The following DEUP1 variants were observed in gnomAD, a reference collection of about 807,000 sequenced individuals.
The protein encoded by DEUP1 is coiled-coil domain containing 67.
DEUP1 carries 82 observed loss-of-function variants against 87.4 expected under a neutral mutation model. The ratio of observed to expected loss-of-function variants is 0.94; its 90% CI spans 0.78 to 1.13. DEUP1 has a LOEUF of 1.13. Ranked by LOEUF, DEUP1 falls within the 50% of genes most tolerant of loss-of-function variation. The pLI, the probability that DEUP1 is intolerant of heterozygous loss-of-function variation, is 0.00. For synonymous variants in DEUP1, 214 were observed against 222.7 expected, an observed-to-expected ratio of 0.96 and a Z score of 0.35; for missense variants, 663 against 681.5, an observed-to-expected ratio of 0.97 and a Z score of 0.30.
chr11:93,370,020 A>T, intron 5 of DEUP1, 53 bp from the exon 6 acceptor site: 1 of 884,568 alleles, frequency 1.1e-6, no homozygotes, highest in Non-Finnish European at 1.8e-6. Context: ...TATTTGCTGT[A>T]CTTTAAAATG....
intron 11 of DEUP1, 79 bp downstream of exon 11, chr11:93,396,404 G>T: frequency 1.2e-6 from 1 of 856,438 alleles, no homozygotes. Flanking sequence ...ATCATTTATT[G>T]AGCACTTGCT....
intron 13 of DEUP1, among the ~76,000 whole-genome samples, chr11:93,418,926 G>A (rs1015419869): frequency 1.1e-4 from 17 of 150,116 alleles, no homozygotes; most frequent in Admixed American, 2.0e-4. Flanking sequence ...GTAAACTATC[G>A]CAAGAACAAA....
intron 13 of DEUP1, among the ~76,000 whole-genome samples, chr11:93,428,938 T>A (rs1468530721): frequency 2.6e-5 from 4 of 152,162 alleles, no homozygotes; most frequent in Non-Finnish European, 5.9e-5. Context: ...TGTAGTAAGA[T>A]CCTATTGTGT....
rs780597533 is a variant in DEUP1, at chr11:93,355,501, T to C, written c.160T>C (p.Leu54=). 1.2e-5 allele frequency: 19 copies of C among 1,613,808 alleles called. No homozygotes were observed. The highest frequency in any genetic ancestry group is 1.7e-5 in the Admixed American group (1 of 60,006). ...ACGATTAGATCTTCGGGATCAAGAATTGGCAAATGCACAAACTTGTTTGGA... is the reference window on the plus strand; with the variant it reads ...ACGATTAGATCTTCGGGATCAAGAACTGGCAAATGCACAAACTTGTTTGGA... ...ETRLDLRDQE[L]ANAQTCLDQK... is the part of the protein sequence containing the mutation. The change falls in exon 3 of 14, where the codon TTG becomes CTG. Residue 54 remains leucine, a synonymous_variant. Coordinates refer to ENST00000298050, the MANE Select transcript of DEUP1 (RefSeq NM_181645.4).
chr11:93,340,130 A>G (rs2134160173), intron 2 of DEUP1, among the ~76,000 whole-genome samples: 1 of 152,302 alleles, frequency 6.6e-6, no homozygotes, highest in South Asian at 2.1e-4. Flanking sequence ...AACAGATTAT[A>G]GCAAATAAAT....
At chr11:93,365,240 G>A (rs529929385) in intron 5 of DEUP1, among the ~76,000 whole-genome samples, 12 of 152,018 alleles carry the variant, frequency 7.9e-5, no homozygotes, top group African/African-American at 2.9e-4. Flanking sequence ...CCTAAAATCG[G>A]CTTATTATAA....
chr11:93,374,973 T>C (rs1277237173), intron 7 of DEUP1, among the ~76,000 whole-genome samples: 1 of 152,034 alleles, frequency 6.6e-6, no homozygotes, highest in Non-Finnish European at 1.5e-5. Flanking sequence ...TTTGTAGTTT[T>C]CCTTGTAGAG....
At chr11:93,370,762 A>T (rs1945675376) in intron 6 of DEUP1, among the ~76,000 whole-genome samples, 1 of 152,092 alleles carries the variant, frequency 6.6e-6, no homozygotes, top group African/African-American at 2.4e-5. Flanking sequence ...TACACCTTCT[A>T]GATTTTTTTT....
chr11:93,334,171 A>T (rs1394210826), intron 2 of DEUP1, among the ~76,000 whole-genome samples: 1 of 152,192 alleles, frequency 6.6e-6, no homozygotes, highest in Non-Finnish European at 1.5e-5. Context: ...TCTCCAAAGC[A>T]TGGAGACCCC....
At chr11:93,390,538 CTTT>C (rs1309337780) in intron 9 of DEUP1, among the ~76,000 whole-genome samples, 2 of 152,108 alleles carry the variant, frequency 1.3e-5, no homozygotes, top group Non-Finnish European at 2.9e-5. Flanking sequence ...TTGAAAAACT[CTTT>C]TTTACTGGTG....
intron 7 of DEUP1, among the ~76,000 whole-genome samples, chr11:93,378,702 A>T (rs1431950843): frequency 6.6e-6 from 1 of 152,072 alleles, no homozygotes; most frequent in Non-Finnish European, 1.5e-5. Context: ...ATTTGGGTAG[A>T]CTATGTCAGA....
chr11:93,419,302 C>A (rs553078104), intron 13 of DEUP1, among the ~76,000 whole-genome samples: 56 of 152,248 alleles, frequency 3.7e-4, no homozygotes, highest in African/African-American at 1.2e-3. Context: ...CGCTCTTCAG[C>A]AAGACAATTA....
intron 2 of DEUP1, among the ~76,000 whole-genome samples, chr11:93,347,742 T>C (rs1427411147): frequency 6.6e-6 from 1 of 152,060 alleles, no homozygotes. Context: ...TTTTGTTTTT[T>C]GTTTTTTCGT....
At chr11:93,352,257 C>T (rs762034966) in intron 2 of DEUP1, 2 of 663,430 alleles carry the variant, frequency 3.0e-6, no homozygotes, top group Non-Finnish European at 2.8e-6. Context: ...GAAATGGATG[C>T]TGAAATAACT....
intron 9 of DEUP1, among the ~76,000 whole-genome samples, chr11:93,392,461 A>T (rs1946794823): frequency 6.6e-6 from 1 of 152,200 alleles, no homozygotes; most frequent in South Asian, 2.1e-4. Context: ...ATGCATGTAA[A>T]CTACTTAGAA....
At chr11:93,352,325 A>G (rs1487156386) in intron 2 of DEUP1, 1 of 702,258 alleles carries the variant, frequency 1.4e-6, no homozygotes, top group South Asian at 1.5e-5. Flanking sequence ...GACCTCAATA[A>G]CTACCTGCTT....
intron 8 of DEUP1, among the ~76,000 whole-genome samples, chr11:93,388,184 GT>G (rs1946650067): frequency 1.3e-5 from 2 of 152,076 alleles, no homozygotes; most frequent in East Asian, 1.9e-4. Context: ...TCATATTTGG[GT>G]TTTTTATTTG....
intron 2 of DEUP1, among the ~76,000 whole-genome samples, chr11:93,333,767 TC>T (rs1943605574): frequency 1.3e-5 from 2 of 152,182 alleles, no homozygotes; most frequent in South Asian, 4.1e-4. Flanking sequence ...CTGGCTCCAA[TC>T]CCTGTGTTCC....
In DEUP1 at chr11:93,371,034, T is replaced by A. The variant is rs969566293; in HGVS notation, c.547-4T>A. On this transcript the variant is annotated splice_region_variant and splice_polypyrimidine_tract_variant and intron_variant, in intron 6 of 13. Transcript: ENST00000298050. The stretch of plus-strand genomic sequence containing the variant: ...TTGAGTTACACAGTTTTTATATTTT[T>A]CAGAAACAGGCACAAAGTTACCAAA... 1.9e-6 allele frequency: 3 copies of A among 1,605,994 alleles called. No homozygotes were observed. The highest frequency in any genetic ancestry group is 2.2e-5 in the East Asian group (1 of 44,782).
Sources: allele counts gnomAD v4.1 joint callset (sites outside exome capture counted in the v4.1 genomes callset), GRCh38; gene constraint gnomAD v4.1.1; transcripts MANE v1.5; gene names NCBI Gene and HGNC (gene_info 2026-07-23, HGNC 2026-07-21).